Variants in ZNF664 observed in about 807,000 individuals in gnomAD.
ZNF664 encodes zinc finger protein 664.
ZNF664 carries 10 observed loss-of-function variants against 18.2 expected under a neutral mutation model. That is an observed-to-expected ratio of 0.55 (90% CI 0.34 to 0.93). The LOEUF (loss-of-function observed/expected upper bound fraction) is 0.93, where lower values mean the gene tolerates loss of function less well. Ranked by LOEUF, ZNF664 falls within the 40% of genes least tolerant of loss-of-function variation. The pLI, the probability that ZNF664 is intolerant of heterozygous loss-of-function variation, is 0.02. For missense variants in ZNF664, 193 were observed against 319.0 expected, an observed-to-expected ratio of 0.61 and a Z score of 3.01; for synonymous variants, 119 against 104.2, an observed-to-expected ratio of 1.14 and a Z score of -0.86.
At chr12:123,995,882 C>G (rs963413768) in intron 3 of ZNF664, among the ~76,000 whole-genome samples, 1 of 152,156 alleles carries the variant, frequency 6.6e-6, no homozygotes, top group East Asian at 1.9e-4. Context: ...CTGACTGGAC[C>G]AGGCACTGTA....
At chr12:124,006,401 C>A (rs1438146601) in intron 3 of ZNF664, among the ~76,000 whole-genome samples, 1 of 152,330 alleles carries the variant, frequency 6.6e-6, no homozygotes, top group African/African-American at 2.4e-5. Context: ...CAGCTTCATT[C>A]TCCCAGCCTG....
chr12:123,992,818 C>G (rs1276496618), intron 3 of ZNF664, among the ~76,000 whole-genome samples: 1 of 152,168 alleles, frequency 6.6e-6, no homozygotes, highest in Non-Finnish European at 1.5e-5. Context: ...TGGAATATCT[C>G]CGAGGCTGGG....
At chr12:123,983,572 C>A (rs1254297341) in intron 2 of ZNF664, among the ~76,000 whole-genome samples, 1 of 152,082 alleles carries the variant, frequency 6.6e-6, no homozygotes, top group Non-Finnish European at 1.5e-5. Flanking sequence ...CAGAGCAGAC[C>A]CCTGTCCCAA....
At chr12:123,989,742 A>G (rs1052213090) in intron 3 of ZNF664, among the ~76,000 whole-genome samples, 5 of 152,238 alleles carry the variant, frequency 3.3e-5, no homozygotes, top group African/African-American at 9.6e-5. Flanking sequence ...TTTTCAGAAC[A>G]GTACTGGATC....
Position 123,988,138 on chromosome 12 carries a change from G to A in ZNF664, c.-661G>A. 1 of 1,231,404 alleles carries A rather than the reference G, an allele frequency of 8.1e-7. No homozygotes were observed. Among genetic ancestry groups the A allele is most frequent in the Non-Finnish European group, 1.0e-6 (1 of 987,802 alleles). The allele number at this position is 1,231,404 out of a possible 1,614,324, so 76.3% of individuals were successfully genotyped here. A position where few individuals can be genotyped will look rare whatever the true frequency, so the allele number is the denominator to read the frequency against. ...TTGGGGGTTTTGATCCTGTCACTGT[G>A]GTAAGTTTTCCCCTTGTTTCACCAT... On this transcript the variant is annotated splice_region_variant and 5_prime_UTR_variant, in exon 3 of 5. Coordinates refer to ENST00000337815, the MANE Select transcript of ZNF664 (RefSeq NM_152437.3).
chr12:123,975,620 G>T (rs4765127), intron 2 of ZNF664, among the ~76,000 whole-genome samples: 49,069 of 151,812 alleles, frequency 0.32, 8,103 homozygotes, highest in Middle Eastern at 0.37. Flanking sequence ...GTAATGACAG[G>T]CTCTTACTAT....
intron 3 of ZNF664, among the ~76,000 whole-genome samples, chr12:123,993,466 A>G (rs898028240): frequency 6.6e-6 from 1 of 152,208 alleles, no homozygotes; most frequent in African/African-American, 2.4e-5. Context: ...TTAAGCAAAG[A>G]TTAAGTGGAC....
rs1419403560 is a variant in ZNF664, at chr12:123,973,324, G to A, written c.-920G>A. ...GGGAGGTGGGTGCGCGGCGCCCGCG[G>A]CCTGGGGCGCTGACTCCCCTCACTT... is the stretch of plus-strand genomic sequence containing the variant. On this transcript the variant is annotated 5_prime_UTR_variant, in exon 1 of 5. Coordinates refer to ENST00000337815, the MANE Select transcript of ZNF664 (RefSeq NM_152437.3). 2 of 984,178 alleles carry A rather than the reference G, an allele frequency of 2.0e-6. No homozygotes were observed. The highest frequency in any genetic ancestry group is 4.7e-5 in the South Asian group (1 of 21,292). The allele number at this position is 984,178 out of a possible 1,614,324, so 61.0% of individuals were successfully genotyped here. A position where few individuals can be genotyped will look rare whatever the true frequency, so the allele number is the denominator to read the frequency against.
chr12:124,014,726 A>T lies in ZNF664; in HGVS notation c.*1796A>T, dbSNP rs1320842329. ...GATTTTTCTTTCCATATTTGAATTA[A>T]TTTTTTCTGTTTGACTGGAAGGGGT... On this transcript the variant is annotated 3_prime_UTR_variant, in exon 5 of 5. Transcript: ENST00000337815. The T allele has an allele frequency of 6.0e-6, 1 of 166,914 alleles. No homozygotes were observed. Among genetic ancestry groups the T allele is most frequent in the Non-Finnish European group, 1.5e-5 (1 of 68,102 alleles). The allele number at this position is 166,914 out of a possible 1,614,324, so 10.3% of individuals were successfully genotyped here.
chr12:123,980,409 T>A (rs1388667898), intron 2 of ZNF664, among the ~76,000 whole-genome samples: 1 of 152,204 alleles, frequency 6.6e-6, no homozygotes, highest in Non-Finnish European at 1.5e-5. Flanking sequence ...ATTGGCCATA[T>A]GTGTCAAGAG....
At chr12:123,984,913 A>G (rs986013258) in intron 2 of ZNF664, among the ~76,000 whole-genome samples, 1 of 152,144 alleles carries the variant, frequency 6.6e-6, no homozygotes, top group Non-Finnish European at 1.5e-5. Flanking sequence ...AGGCATAGGC[A>G]TGTGAGATGG....
At position 124,012,372 on chromosome 12, in the gene ZNF664, A is replaced by G. The variant is rs1435788428; in HGVS notation, c.228A>G (p.Arg76=). 1.9e-5 allele frequency: 30 copies of G among 1,614,120 alleles called. No individual in the cohort carries two copies. The highest frequency in any genetic ancestry group is 2.4e-5 in the Non-Finnish European group (28 of 1,180,052). The change falls in exon 5 of 5, where the codon AGA becomes AGG. Residue 76 remains arginine (R), a synonymous_variant. Transcript: ENST00000337815. The part of the protein sequence containing the change: ...KDFSTTTKLN[R]HKKIHTVEKP... ...TTAGCACTACAACAAAACTTAATAG[A>G]CATAAGAAAATCCACACAGTGGAGA... is the stretch of plus-strand genomic sequence containing the variant.
chr12:123,996,051 C>G (rs749838111), intron 3 of ZNF664, among the ~76,000 whole-genome samples: 4 of 152,208 alleles, frequency 2.6e-5, no homozygotes, highest in Non-Finnish European at 5.9e-5. Context: ...AGCAGGAAGG[C>G]TGACCTGTTG....
chr12:123,975,907 A>G (rs1413315658), intron 2 of ZNF664, among the ~76,000 whole-genome samples: 4 of 152,208 alleles, frequency 2.6e-5, no homozygotes, highest in Non-Finnish European at 5.9e-5. Flanking sequence ...CCTTCAGGGA[A>G]AAGGGATTGT....
Position 124,012,106 on chromosome 12 carries a change from G to A in ZNF664, c.-39G>A. ...GTCTTGTAACTGTAGTAATCATAAG[G>A]AAATTTTCTCCTTGAAATCACGATA... On this transcript the variant is annotated 5_prime_UTR_variant, in exon 5 of 5. Transcript: ENST00000337815. 6.4e-7 allele frequency: 1 copy of A among 1,568,392 alleles called. No individual in the cohort carries two copies. The highest frequency in any genetic ancestry group is 8.6e-7 in the Non-Finnish European group (1 of 1,164,642).
chr12:123,979,008 T>TA (rs1027821959), intron 2 of ZNF664, among the ~76,000 whole-genome samples: 1 of 152,084 alleles, frequency 6.6e-6, no homozygotes, highest in Non-Finnish European at 1.5e-5. Context: ...AGGAACTAAC[T>TA]AAAAAAACCT....
Position 124,014,483 on chromosome 12 carries a change from C to A in ZNF664, c.*1553C>A, listed in dbSNP as rs1253281758. On this transcript the variant is annotated 3_prime_UTR_variant, in exon 5 of 5. Coordinates refer to ENST00000337815, the MANE Select transcript of ZNF664 (RefSeq NM_152437.3). ...AAGGAATGTTTAGAAGACCAAAAGT[C>A]CCCAATGACAGGAACAAAAGCAACC... 1 of 167,088 alleles carries A rather than the reference C, an allele frequency of 6.0e-6. No homozygotes were observed. The highest frequency in any genetic ancestry group is 2.4e-5 in the African/African-American group (1 of 41,430). The allele number at this position is 167,088 out of a possible 1,614,324, so 10.4% of individuals were successfully genotyped here.
intron 2 of ZNF664, among the ~76,000 whole-genome samples, chr12:123,983,540 C>T (rs1956791193): frequency 6.6e-6 from 1 of 152,142 alleles, no homozygotes; most frequent in Non-Finnish European, 1.5e-5. Flanking sequence ...TGTGACAGAG[C>T]TTGTGAGGAA....
chr12:123,991,225 CA>C (rs1956885505), intron 3 of ZNF664, among the ~76,000 whole-genome samples: 1 of 152,116 alleles, frequency 6.6e-6, no homozygotes, highest in Non-Finnish European at 1.5e-5. Context: ...CATTGTGTCC[CA>C]TTACTCAGGT....
Sources: allele counts gnomAD v4.1 joint callset (sites outside exome capture counted in the v4.1 genomes callset), GRCh38; gene constraint gnomAD v4.1.1; transcripts MANE v1.5; gene names NCBI Gene and HGNC (gene_info 2026-07-23, HGNC 2026-07-21).